The following SH3GL3 variants were observed in gnomAD, a reference collection of about 807,000 sequenced individuals.
SH3GL3 encodes the protein endophilin-A3.
In SH3GL3, 33 loss-of-function variants were observed where a neutral mutation model predicts 47.7. The observed-to-expected ratio is 0.69, with a 90% confidence interval of 0.52 to 0.92. The LOEUF (loss-of-function observed/expected upper bound fraction) is 0.92. Among genes scored for constraint, SH3GL3 ranks in the 40% least tolerant of loss-of-function variants. SH3GL3 has a pLI of 0.00. For synonymous variants in SH3GL3, 155 were observed against 148.8 expected (o/e 1.04, Z -0.30); for missense variants, 363 against 417.8 (o/e 0.87, Z 1.14).
At chr15:83,603,693 A>G (rs954169599) in intron 8 of SH3GL3, among the ~76,000 whole-genome samples, 1 of 152,196 alleles carries the variant, frequency 6.6e-6, no homozygotes, top group African/African-American at 2.4e-5. Context: ...TCTTTCTTAT[A>G]GTAACTTGCT....
At chr15:83,579,335 G>C (rs969583561) in intron 6 of SH3GL3, among the ~76,000 whole-genome samples, 3 of 152,258 alleles carry the variant, frequency 2.0e-5, no homozygotes, top group African/African-American at 4.8e-5. Flanking sequence ...GGTTTCCCCT[G>C]TTCAGCTCTG....
chr15:83,478,180 G>T (rs2041185267), intron 1 of SH3GL3, among the ~76,000 whole-genome samples: 1 of 152,124 alleles, frequency 6.6e-6, no homozygotes, highest in Admixed American at 6.5e-5. Context: ...GCAGATCATT[G>T]CAGGGGCTTA....
chr15:83,530,697 C>T (rs1365898529), intron 1 of SH3GL3, among the ~76,000 whole-genome samples: 2 of 151,780 alleles, frequency 1.3e-5, no homozygotes, highest in East Asian at 3.9e-4. Context: ...GCAATCTAGA[C>T]AAAATTTTCA....
At chr15:83,451,633 G>GC (rs2039783073) in intron 1 of SH3GL3, among the ~76,000 whole-genome samples, 1 of 116,776 alleles carries the variant, frequency 8.6e-6, no homozygotes, top group Non-Finnish European at 1.7e-5. Context: ...CATGTCCTTC[G>GC]CCCACTTTTT....
intron 8 of SH3GL3, among the ~76,000 whole-genome samples, chr15:83,592,951 T>G (rs2151815848): frequency 6.6e-6 from 1 of 152,250 alleles, no homozygotes; most frequent in East Asian, 1.9e-4. Flanking sequence ...AAAAAAACAG[T>G]TCTGGGGCCT....
chr15:83,470,388 C>G (rs879885729), intron 1 of SH3GL3, among the ~76,000 whole-genome samples: 7 of 152,114 alleles, frequency 4.6e-5, no homozygotes, highest in African/African-American at 9.7e-5. Flanking sequence ...CCACGTCTGG[C>G]TAATTTTTGT....
chr15:83,587,140 G>T, intron 7 of SH3GL3, 54 bp downstream of exon 7: 1 of 910,372 alleles, frequency 1.1e-6, no homozygotes, highest in South Asian at 1.5e-5. Flanking sequence ...AACATCTATT[G>T]AAATCCATCT....
the SH3GL3 span, among the ~76,000 whole-genome samples, chr15:83,625,140 T>A: frequency 6.6e-6 from 1 of 152,208 alleles, no homozygotes; most frequent in East Asian, 1.9e-4. Context: ...ACGCCTGTAC[T>A]CCCAGCTACT....
At chr15:83,608,638 G>A (rs542919800) in intron 8 of SH3GL3, among the ~76,000 whole-genome samples, 1 of 152,238 alleles carries the variant, frequency 6.6e-6, no homozygotes, top group African/African-American at 2.4e-5. Flanking sequence ...ACGGTGCCTG[G>A]CTCCATGCTC....
At chr15:83,537,782 AT>A (rs2043979298) in intron 1 of SH3GL3, among the ~76,000 whole-genome samples, 1 of 152,050 alleles carries the variant, frequency 6.6e-6, no homozygotes. Context: ...CTCTAATCCC[AT>A]CTGCTCTCTG....
At chr15:83,588,211 G>C (rs1160003581) in intron 7 of SH3GL3, among the ~76,000 whole-genome samples, 1 of 152,136 alleles carries the variant, frequency 6.6e-6, no homozygotes, top group Non-Finnish European at 1.5e-5. Context: ...GCTCACTGCA[G>C]CCTCCACCTT....
At chr15:83,617,939 C>G (rs1423309057) in intron 8 of SH3GL3, 143 bp from the exon 9 acceptor site, 2 of 629,934 alleles carry the variant, frequency 3.2e-6, no homozygotes, top group African/African-American at 1.8e-5. Flanking sequence ...ACAAACGGCA[C>G]CGTGAGCTGG....
intron 1 of SH3GL3, among the ~76,000 whole-genome samples, chr15:83,482,363 G>C (rs893990335): frequency 6.6e-6 from 1 of 151,996 alleles, no homozygotes; most frequent in Non-Finnish European, 1.5e-5. Flanking sequence ...TATAAAGTAG[G>C]CTTTACTTTT....
chr15:83,493,402 T>C (rs546461000), intron 1 of SH3GL3, among the ~76,000 whole-genome samples: 1 of 152,328 alleles, frequency 6.6e-6, no homozygotes, highest in East Asian at 1.9e-4. Context: ...AAAAAGCACA[T>C]GTACACCTTT....
intron 1 of SH3GL3, among the ~76,000 whole-genome samples, chr15:83,506,456 T>C (rs1442528765): frequency 6.6e-6 from 1 of 152,236 alleles, no homozygotes; most frequent in African/African-American, 2.4e-5. Flanking sequence ...TGACACCTAC[T>C]TGTAGTTGTT....
intron 1 of SH3GL3, among the ~76,000 whole-genome samples, chr15:83,513,394 A>G (rs750279282): frequency 7.2e-5 from 11 of 151,942 alleles, no homozygotes; most frequent in Non-Finnish European, 1.2e-4. Flanking sequence ...TCAGGCCCCA[A>G]CTCCACTCAA....
chr15:83,627,193 A>T, the SH3GL3 span, among the ~76,000 whole-genome samples: 8 of 152,064 alleles, frequency 5.3e-5, no homozygotes, highest in African/African-American at 1.9e-4. Context: ...GTCAGCAGAC[A>T]GAGACCATCC....
chr15:83,484,149 A>G (rs984553101), intron 1 of SH3GL3, among the ~76,000 whole-genome samples: 10 of 152,158 alleles, frequency 6.6e-5, no homozygotes, highest in African/African-American at 2.2e-4. Flanking sequence ...TTCTTCTTAT[A>G]CTCAGAATGA....
intron 1 of SH3GL3, among the ~76,000 whole-genome samples, chr15:83,496,372 GA>G (rs777260905): frequency 7.6e-5 from 10 of 131,174 alleles, no homozygotes; most frequent in East Asian, 2.1e-4. Flanking sequence ...AAAAAAAAAA[GA>G]AAAAAAAAAG....
Sources: gnomAD v4.1 joint callset for allele counts (sites outside exome capture counted in the v4.1 genomes callset) on GRCh38, gnomAD v4.1.1 for gene constraint, MANE v1.5 for transcripts, NCBI Gene and HGNC (gene_info 2026-07-23, HGNC 2026-07-21) for gene names.